Variants in RHOBTB2 observed in about 807,000 individuals in gnomAD.
RHOBTB2 encodes the protein Rho related BTB domain containing 2, also known as rho-related BTB domain-containing protein 2.
Under a neutral mutation model 66.5 loss-of-function variants are expected in RHOBTB2, and 39 were observed. The ratio of observed to expected loss-of-function variants is 0.59; its 90% confidence interval spans 0.45 to 0.77. The LOEUF is 0.77. Ranked by LOEUF, RHOBTB2 falls within the 30% of genes least tolerant of loss-of-function variation. The pLI, the probability that RHOBTB2 is intolerant of heterozygous loss-of-function variation, is 0.00. For synonymous variants in RHOBTB2, 390 were observed against 395.0 expected (o/e 0.99, Z 0.15); for missense variants, 755 against 999.1 (o/e 0.76, Z 3.29).
In RHOBTB2 at chr8:23,007,287, T is replaced by G. The variant is rs1272626836; in HGVS notation, c.1042T>G (p.Cys348Gly). Reference sequence around the variant, plus strand: ...GCTCCGAGCAGCCAGCTTTGACGTGTGCGAGAGCGTGGATGAGGCTGGGGG... The same window carrying G: ...GCTCCGAGCAGCCAGCTTTGACGTGGGCGAGAGCGTGGATGAGGCTGGGGG... ...FLLRAASFDV[C>G]ESVDEAGGSG... The change falls in exon 5 of 10, where the codon TGC becomes GGC. Residue 348 changes from cysteine (C) to glycine (G), a missense_variant. Physicochemically the swap from Cys to Gly is radical, Grantham distance 159 (BLOSUM62 -3). Around this residue, in one of 7 missense-constraint regions of RHOBTB2, gnomAD observed 247 missense variants for 238.9 expected, o/e 1.03. Coordinates refer to ENST00000251822, the MANE Select transcript of RHOBTB2 (RefSeq NM_015178.3). 1 of 1,613,678 alleles carries G rather than the reference T, an allele frequency of 6.2e-7. No homozygotes were observed. The highest frequency in any genetic ancestry group is 1.7e-5 in the Admixed American group (1 of 60,006).
upstream of RHOBTB2, chr8:22,994,585 T>C (rs975087060): frequency 1.9e-6 from 3 of 1,551,350 alleles, no homozygotes; most frequent in African/African-American, 1.4e-5. Flanking sequence ...CACAGAGCGA[T>C]GCAAGCCTGG....
upstream of RHOBTB2, among the ~76,000 whole-genome samples, chr8:22,996,832 G>T (rs1585183283): frequency 3.9e-5 from 6 of 152,078 alleles, no homozygotes; most frequent in South Asian, 1.2e-3. Flanking sequence ...GGGGAAGCCT[G>T]GCCTCTGGGA....
chr8:22,966,215 T>C, the RHOBTB2 span, among the ~76,000 whole-genome samples: 2 of 151,750 alleles, frequency 1.3e-5, no homozygotes, highest in Non-Finnish European at 2.9e-5. Flanking sequence ...TAGCCAGATG[T>C]GGTGGCCTGC....
At chr8:22,955,564 CTTT>C in the RHOBTB2 span, among the ~76,000 whole-genome samples, 46 of 103,960 alleles carry the variant, frequency 4.4e-4, no homozygotes, top group African/African-American at 1.0e-3. Flanking sequence ...TTCAATAAAT[CTTT>C]TTTTTTTTTT....
chr8:23,010,639 C>G lies in RHOBTB2; in HGVS notation c.1722C>G (p.Leu574=). The G allele has an allele frequency of 6.2e-7, 1 of 1,614,198 alleles. No homozygotes were observed. Among genetic ancestry groups the G allele is most frequent in the Non-Finnish European group, 8.5e-7 (1 of 1,180,038 alleles). Residue 574 remains leucine, a synonymous_variant, in exon 7 of 10, where the codon CTC becomes CTG. Coordinates refer to ENST00000251822, the MANE Select transcript of RHOBTB2 (RefSeq NM_015178.3). ...TSSPDLDDMK[L]IILANRLCLP... The stretch of plus-strand genomic sequence containing the variant: ...GCCCCGACCTGGATGACATGAAGCT[C>G]ATCATTCTAGCCAACCGCCTCTGCC...
chr8:23,017,628 A>G lies in RHOBTB2; in HGVS notation c.*159A>G. 2 of 1,204,156 alleles carry G rather than the reference A, an allele frequency of 1.7e-6. No individual in the cohort carries two copies. The highest frequency in any genetic ancestry group is 2.3e-6 in the Non-Finnish European group (2 of 877,130). 74.6% of individuals were successfully genotyped at this position (1,204,156 alleles called of 1,614,324 possible). A position where few individuals can be genotyped will look rare whatever the true frequency, so the allele number is the denominator to read the frequency against. On this transcript the variant is annotated 3_prime_UTR_variant, in exon 10 of 10. Transcript: ENST00000251822. This position sits in a 1 kb window ranked among gnomAD's most constrained non-coding sequence, Gnocchi z 5.3. ...TCTTACCAGCCACCGTGGCTCAGCC[A>G]GAGAGGAGCTGAGCCCTGTGGAGCA...
At position 23,006,241 on chromosome 8, in the gene RHOBTB2, CT is replaced by C; in HGVS notation, c.482+97del. 9.3e-7 allele frequency: 1 copy of C among 1,069,924 alleles called. No homozygotes were observed. The highest frequency in any genetic ancestry group is 1.6e-5 in the African/African-American group (1 of 63,464). The allele number at this position is 1,069,924 out of a possible 1,614,324, so 66.3% of individuals were successfully genotyped here. A position where few individuals can be genotyped will look rare whatever the true frequency, so the allele number is the denominator to read the frequency against. On this transcript the variant is annotated intron_variant, in intron 4 of 9. Coordinates refer to ENST00000251822, the MANE Select transcript of RHOBTB2 (RefSeq NM_015178.3). This position sits in a 1 kb window ranked among gnomAD's most constrained non-coding sequence, Gnocchi z 6.1. The stretch of plus-strand genomic sequence containing the variant: ...GGGAATTCCACTGAGCCTCATATCT[CT>C]CCCTCCATTTGGAGCAAGCTTGCAT...
intron 7 of RHOBTB2, among the ~76,000 whole-genome samples, chr8:23,012,441 A>G (rs1811174743): frequency 6.6e-6 from 1 of 152,240 alleles, no homozygotes; most frequent in Non-Finnish European, 1.5e-5. Flanking sequence ...AAATGTTTAT[A>G]TCTGCCTTGT....
the RHOBTB2 span, among the ~76,000 whole-genome samples, chr8:22,969,250 AC>A: frequency 7.9e-5 from 12 of 151,938 alleles, no homozygotes; most frequent in Admixed American, 2.0e-4. Context: ...GTATGGGGTA[AC>A]CCCCCCACCC....
the RHOBTB2 span, among the ~76,000 whole-genome samples, chr8:22,953,224 C>T: frequency 2.7e-3 from 418 of 152,322 alleles, no homozygotes; most frequent in Non-Finnish European, 4.3e-3. Flanking sequence ...AGTTACACTC[C>T]GCCATTTTGC....
chr8:22,970,577 TGGGTCACAGGGCAAGACTCTG>T, the RHOBTB2 span, among the ~76,000 whole-genome samples: 3 of 151,308 alleles, frequency 2.0e-5, no homozygotes, highest in South Asian at 6.3e-4. Context: ...TTTCAGAACC[TGGGTCACAGGGCAAGACTCTG>T]TCCCTAAAAA....
the RHOBTB2 span, among the ~76,000 whole-genome samples, chr8:22,962,819 C>T: frequency 1.3e-5 from 2 of 152,162 alleles, no homozygotes; most frequent in Admixed American, 1.3e-4. Context: ...CAGAGCAGAG[C>T]CATAGGCTGG....
At chr8:22,980,040 G>T in the RHOBTB2 span, among the ~76,000 whole-genome samples, 1 of 152,112 alleles carries the variant, frequency 6.6e-6, no homozygotes, top group Non-Finnish European at 1.5e-5. Flanking sequence ...TTACAGGTGT[G>T]AGCCACTGTG....
At chr8:22,957,949 A>C in the RHOBTB2 span, among the ~76,000 whole-genome samples, 2 of 152,128 alleles carry the variant, frequency 1.3e-5, no homozygotes, top group African/African-American at 4.8e-5. Context: ...ACCCCCAATA[A>C]ATGTGTTTAA....
At chr8:23,011,086 T>C (rs1281762192) in intron 7 of RHOBTB2, among the ~76,000 whole-genome samples, 1 of 152,186 alleles carries the variant, frequency 6.6e-6, no homozygotes, top group Admixed American at 6.5e-5. Flanking sequence ...GAAACCCGTC[T>C]CTACTAAAAA....
chr8:22,981,709 A>G, the RHOBTB2 span, among the ~76,000 whole-genome samples: 6 of 152,086 alleles, frequency 3.9e-5, no homozygotes, highest in Non-Finnish European at 5.9e-5. Flanking sequence ...CTGTCCCCCC[A>G]CTGCCTGCCC....
At chr8:22,993,055 G>A (rs1226839703) in intron 2 of RHOBTB2, among the ~76,000 whole-genome samples, 1 of 152,270 alleles carries the variant, frequency 6.6e-6, no homozygotes, top group Non-Finnish European at 1.5e-5. Context: ...CCCACTGTCA[G>A]AACTCTGACT....
At chr8:22,975,248 C>T in the RHOBTB2 span, among the ~76,000 whole-genome samples, 9 of 152,186 alleles carry the variant, frequency 5.9e-5, no homozygotes, top group African/African-American at 2.2e-4. Flanking sequence ...ACCTGCCCCA[C>T]CCTGTTTCTA....
At chr8:22,967,299 A>G in the RHOBTB2 span, among the ~76,000 whole-genome samples, 8 of 152,232 alleles carry the variant, frequency 5.3e-5, no homozygotes, top group Non-Finnish European at 1.0e-4. Flanking sequence ...GCTAAGTGAA[A>G]TAAGCCAGTC....
Sources: gnomAD v4.1 joint callset for allele counts (sites outside exome capture counted in the v4.1 genomes callset) on GRCh38, gnomAD v4.1.1 for gene constraint, gnomAD v4.1.1 regional missense constraint, Gnocchi (gnomAD v3.1) non-coding constraint, MANE v1.5 for transcripts, NCBI Gene and HGNC (gene_info 2026-07-23, HGNC 2026-07-21) for gene names.